The following HERC1 variants were observed in gnomAD, a reference collection of about 807,000 sequenced individuals.
HERC1 encodes the protein probable E3 ubiquitin-protein ligase HERC1.
HERC1 carries 160 observed loss-of-function variants against 554.3 expected under a neutral mutation model. The ratio of observed to expected loss-of-function variants is 0.29; its 90% CI spans 0.25 to 0.33. The LOEUF (loss-of-function observed/expected upper bound fraction) is 0.33. HERC1 is among the 10% of genes least tolerant of loss of function. The pLI, the probability that HERC1 is intolerant of heterozygous loss-of-function variation, is 1.00. For missense variants in HERC1, 4,919 were observed against 5,918.5 expected, an observed-to-expected ratio of 0.83 and a Z score of 5.54; for synonymous variants, 2,175 against 2,131.7, an observed-to-expected ratio of 1.02 and a Z score of -0.56.
intron 1 of HERC1, among the ~76,000 whole-genome samples, chr15:63,806,871 C>G (rs1259201762): frequency 6.6e-6 from 1 of 152,196 alleles, no homozygotes. Context: ...CCTCAGCCTC[C>G]CAAACAGCTG....
intron 25 of HERC1, among the ~76,000 whole-genome samples, chr15:63,704,195 C>T (rs1214621526): frequency 6.6e-6 from 1 of 152,178 alleles, no homozygotes; most frequent in Non-Finnish European, 1.5e-5. Context: ...ACTAAATATA[C>T]AATATTTTTG....
In HERC1 at chr15:63,718,734, G is replaced by A. The variant is rs764103436; in HGVS notation, c.3858-40C>T. 6.2e-7 allele frequency: 1 copy of A among 1,601,688 alleles called. No individual in the cohort carries two copies. Among genetic ancestry groups the A allele is most frequent in the Non-Finnish European group, 8.5e-7 (1 of 1,170,486 alleles). The stretch of plus-strand genomic sequence containing the variant: ...AAAATAGAAAAGTTACCTAATTTCT[G>A]ACATCATGAGAGCAAATATTTGTCT... On this transcript the variant is annotated intron_variant, in intron 20 of 77. Coordinates refer to ENST00000443617, the MANE Select transcript of HERC1 (RefSeq NM_003922.4). The surrounding 1 kb of genome is among the most constrained non-coding windows in gnomAD (Gnocchi z 4.2).
chr15:63,796,462 C>T (rs778224662), intron 1 of HERC1, among the ~76,000 whole-genome samples: 3 of 152,188 alleles, frequency 2.0e-5, no homozygotes, highest in Non-Finnish European at 2.9e-5. Context: ...AAGTCCATTT[C>T]GCTTCTAACC....
In HERC1 at chr15:63,677,923, T is replaced by C; in HGVS notation, c.6992A>G (p.His2331Arg). The change falls in exon 37 of 78, where the codon CAT (histidine) becomes CGT (arginine). Residue 2331 changes from histidine (H) to arginine (R), a missense_variant. Physicochemically the swap from His to Arg is conservative, Grantham distance 29. This residue lies in a region of HERC1 where 1,963 missense variants were observed against 2,228.6 expected (regional missense o/e 0.88). Coordinates refer to ENST00000443617, the MANE Select transcript of HERC1 (RefSeq NM_003922.4). The surrounding 1 kb of genome is among the most constrained non-coding windows in gnomAD (Gnocchi z 4.4). ...GRCVHKQTGR[H>R]ATLLGVVKEG... The stretch of plus-strand genomic sequence containing the variant: ...TTTGACCACTCCCAGCAGCGTGGCA[T>C]GGCGCCCAGTTTGCTTGTGAACACA... 1.2e-6 allele frequency: 2 copies of C among 1,614,030 alleles called. No individual in the cohort carries two copies. Among genetic ancestry groups the C allele is most frequent in the Non-Finnish European group, 1.7e-6 (2 of 1,179,894 alleles).
chr15:63,746,139 A>AT (rs571034240), intron 12 of HERC1, among the ~76,000 whole-genome samples: 2 of 151,416 alleles, frequency 1.3e-5, no homozygotes, highest in African/African-American at 4.8e-5. Context: ...TTCGATATAT[A>AT]TTTTTTTTAA....
intron 12 of HERC1, among the ~76,000 whole-genome samples, chr15:63,744,527 T>C (rs1235640022): frequency 6.6e-6 from 1 of 152,112 alleles, no homozygotes; most frequent in East Asian, 1.9e-4. Flanking sequence ...CAATGTTCTA[T>C]TGTACTATGG....
In HERC1 at chr15:63,638,426, GA is replaced by G. The variant is rs755434201; in HGVS notation, c.12077del (p.Phe4026SerfsTer34). On this transcript the variant is annotated frameshift_variant, in exon 63 of 78. Transcript: ENST00000443617. LOFTEE classifies it high-confidence loss of function. ...NVMVPAAAPS[F>X]SQAQQVICGQ... is the part of the protein sequence containing the mutation. ...TGTTAGTTACCTGTTGGGCCTGTGA[GA>G]ATGAGGGAGCTGCTGCAGGTACCAT... The G allele has an allele frequency of 6.2e-7, 1 of 1,613,592 alleles. No homozygotes were observed. The highest frequency in any genetic ancestry group is 1.3e-5 in the African/African-American group (1 of 74,874).
chr15:63,619,130 G>C (rs1408808118), intron 74 of HERC1, among the ~76,000 whole-genome samples: 1 of 152,114 alleles, frequency 6.6e-6, no homozygotes, highest in African/African-American at 2.4e-5. Context: ...TTGGCTGTGG[G>C]TTTATCATAG....
intron 1 of HERC1, among the ~76,000 whole-genome samples, chr15:63,781,483 G>T (rs772147230): frequency 3.9e-5 from 6 of 152,060 alleles, no homozygotes; most frequent in Non-Finnish European, 7.4e-5. Context: ...TGTTATTATT[G>T]TAATTGTTTG....
At chr15:63,818,574 C>T (rs1329978874) in intron 1 of HERC1, among the ~76,000 whole-genome samples, 11 of 152,178 alleles carry the variant, frequency 7.2e-5, no homozygotes. Context: ...TGTCACTAAT[C>T]AATTACTTTA....
At chr15:63,760,749 C>A (rs1164531913) in intron 3 of HERC1, among the ~76,000 whole-genome samples, 1 of 151,916 alleles carries the variant, frequency 6.6e-6, no homozygotes, top group Admixed American at 6.6e-5. Flanking sequence ...AGAACCCAAT[C>A]AAGGGAATAA....
chr15:63,776,683 G>A (rs1317697709), intron 1 of HERC1, among the ~76,000 whole-genome samples: 2 of 152,088 alleles, frequency 1.3e-5, no homozygotes, highest in Admixed American at 6.6e-5. Context: ...AAAACCTAGT[G>A]GGCTGGGCAT....
chr15:63,808,282 C>T (rs2077194032), intron 1 of HERC1, among the ~76,000 whole-genome samples: 1 of 152,094 alleles, frequency 6.6e-6, no homozygotes, highest in South Asian at 2.1e-4. Flanking sequence ...TTTAGAACAT[C>T]AACGTACTTT....
intron 8 of HERC1, among the ~76,000 whole-genome samples, chr15:63,751,448 C>T (rs2075242622): frequency 6.6e-6 from 1 of 152,124 alleles, no homozygotes; most frequent in South Asian, 2.1e-4. Context: ...CAGAACATAT[C>T]CCATTAAGTG....
intron 74 of HERC1, among the ~76,000 whole-genome samples, chr15:63,618,822 T>C (rs1415376804): frequency 6.6e-6 from 1 of 152,254 alleles, no homozygotes; most frequent in Non-Finnish European, 1.5e-5. Context: ...ATAAGAATGT[T>C]TGTGATTTTT....
At chr15:63,741,319 G>C (rs1266377171) in intron 12 of HERC1, among the ~76,000 whole-genome samples, 1 of 148,300 alleles carries the variant, frequency 6.7e-6, no homozygotes, top group Non-Finnish European at 1.5e-5. Flanking sequence ...GAGCCACCGC[G>C]CCGGGCCCAT....
chr15:63,673,097 T>C (rs1214974906), intron 38 of HERC1, among the ~76,000 whole-genome samples: 1 of 152,116 alleles, frequency 6.6e-6, no homozygotes, highest in Non-Finnish European at 1.5e-5. Flanking sequence ...TAGGCAAAGA[T>C]AAAAGCATGT....
intron 26 of HERC1, 92 bp from the exon 27 acceptor site, chr15:63,696,431 A>T: frequency 1.3e-6 from 1 of 793,600 alleles, no homozygotes; most frequent in Non-Finnish European, 2.1e-6. Flanking sequence ...ACACTTAGAA[A>T]ATTCTGACAT....
At chr15:63,645,783 C>T in intron 55 of HERC1, 101 bp from the exon 56 acceptor site, 1 of 688,588 alleles carries the variant, frequency 1.5e-6, no homozygotes, top group East Asian at 2.8e-5. Context: ...ATCTATATTT[C>T]TATAACTCAT....
Sources: gnomAD v4.1 joint callset for allele counts (sites outside exome capture counted in the v4.1 genomes callset) on GRCh38, gnomAD v4.1.1 for gene constraint, gnomAD v4.1.1 regional missense constraint, Gnocchi (gnomAD v3.1) non-coding constraint, MANE v1.5 for transcripts, NCBI Gene and HGNC (gene_info 2026-07-23, HGNC 2026-07-21) for gene names.